FANCL: variants seen among roughly 807,000 people sequenced by gnomAD.
FANCL encodes FA complementation group L.
FANCL carries 69 observed loss-of-function variants against 59.4 expected under a neutral mutation model. That is an observed-to-expected ratio of 1.16 (90% CI 0.96 to 1.42). The LOEUF (loss-of-function observed/expected upper bound fraction) is 1.42. FANCL is among the 40% of genes most tolerant of loss of function. The probability of loss-of-function intolerance (pLI) is 0.00; values close to 1 mark genes in which losing one functional copy is unlikely to be tolerated. For synonymous variants in FANCL, 180 were observed against 147.1 expected (o/e 1.22, Z -1.62); for missense variants, 519 against 447.2 (o/e 1.16, Z -1.45).
At chr2:58,232,813 T>C (rs1693704427) in intron 1 of FANCL, among the ~76,000 whole-genome samples, 1 of 151,992 alleles carries the variant, frequency 6.6e-6, no homozygotes. Context: ...TTAAACTTTA[T>C]AACTTAAATA....
intron 7 of FANCL, among the ~76,000 whole-genome samples, chr2:58,195,725 C>T (rs945344312): frequency 6.6e-6 from 1 of 151,922 alleles, no homozygotes; most frequent in Non-Finnish European, 1.5e-5. Flanking sequence ...TAGGCTAAGG[C>T]TATGGACACA....
intron 5 of FANCL, among the ~76,000 whole-genome samples, chr2:58,212,057 A>G (rs1691215761): frequency 6.6e-6 from 1 of 152,150 alleles, no homozygotes; most frequent in Non-Finnish European, 1.5e-5. Context: ...ACTGGTACCA[A>G]TTTACTGTAT....
chr2:58,202,192 T>G (rs1017992372), intron 6 of FANCL, among the ~76,000 whole-genome samples: 1 of 148,692 alleles, frequency 6.7e-6, no homozygotes, highest in South Asian at 2.1e-4. Context: ...AAGTAAAAGT[T>G]TGACAATTAG....
chr2:58,241,128 G>A (rs1694503087), intron 1 of FANCL, 90 bp downstream of exon 1: 8 of 1,377,918 alleles, frequency 5.8e-6, no homozygotes, highest in Non-Finnish European at 7.2e-6. Flanking sequence ...ACAAGTCTGG[G>A]CCCCTAACCT....
In FANCL at chr2:58,162,877, G is replaced by T. The variant is rs1362953390; in HGVS notation, c.892C>A (p.Leu298Met). The T allele has an allele frequency of 1.2e-6, 2 of 1,611,894 alleles. No homozygotes were observed. Among genetic ancestry groups the T allele is most frequent in the Non-Finnish European group, 1.7e-6 (2 of 1,178,558 alleles). Residue 298 changes from leucine to methionine, a missense_variant, in exon 11 of 14, where the codon CTG becomes ATG. By Grantham distance (15) the Leu-to-Met change is conservative (BLOSUM62 2). Transcript: ENST00000233741. Reference sequence around the variant, plus strand: ...CTGATAAAACTTACAGATTTTTCCAGGATAGCACGAGCTGGAAAATCAATT... The same window carrying T: ...CTGATAAAACTTACAGATTTTTCCATGATAGCACGAGCTGGAAAATCAATT... Reference protein sequence around the residue: ...LEIDFPARAILEKSDFTMDCG... With the variant: ...LEIDFPARAIMEKSDFTMDCG...
At chr2:58,184,936 C>T (rs1294497470) in intron 7 of FANCL, among the ~76,000 whole-genome samples, 3 of 152,056 alleles carry the variant, frequency 2.0e-5, no homozygotes, top group African/African-American at 4.8e-5. Flanking sequence ...AGCAAAGGTC[C>T]GTGTTGAAGG....
chr2:58,161,660 A>G, intron 11 of FANCL, 22 bp from the exon 12 acceptor site: 1 of 1,512,342 alleles, frequency 6.6e-7, no homozygotes, highest in Non-Finnish European at 9.2e-7. Flanking sequence ...AAATATTTAT[A>G]AAAAGCGTAT....
chr2:58,228,912 G>A (rs1022632910), intron 3 of FANCL, among the ~76,000 whole-genome samples: 30 of 152,094 alleles, frequency 2.0e-4, no homozygotes, highest in African/African-American at 6.5e-4. Context: ...TATGTCAACA[G>A]ATGCATTTCT....
rs193294003 is a variant in FANCL, at chr2:58,194,570, T to G, written c.540+4024A>C. ...TCTTTGAGAAGCACTTTGTGCTTCTTTGGCACATATCATGGCAGCAATAGT... is the reference window on the plus strand; with the variant it reads ...TCTTTGAGAAGCACTTTGTGCTTCTGTGGCACATATCATGGCAGCAATAGT... On this transcript the variant is annotated intron_variant, in intron 7 of 13. Coordinates refer to ENST00000233741, the MANE Select transcript of FANCL (RefSeq NM_018062.4). Among the ~76,000 whole-genome samples the G allele has an allele frequency of 5.9e-5, 9 of 152,240 alleles. No individual in the cohort carries two copies. The East Asian group carries it at 1.7e-3, about 29-fold the overall frequency.
At chr2:58,206,759 C>CT (rs1186408562) in intron 5 of FANCL, among the ~76,000 whole-genome samples, 1 of 152,094 alleles carries the variant, frequency 6.6e-6, no homozygotes, top group Non-Finnish European at 1.5e-5. Context: ...TTTTGTTAAA[C>CT]TTTAAGACGC....
chr2:58,229,867 A>G lies in FANCL; in HGVS notation c.163T>C (p.Cys55Arg). ...DLQLKNARLL[C>R]SWQLRTILSG... is the part of the protein sequence containing the mutation. ...AGTATTGTTCTCAGCTGCCAACTAC[A>G]TAATAATCTAAAATTTTAATGAGAC... is the stretch of plus-strand genomic sequence containing the variant. The change falls in exon 3 of 14, where the codon TGT becomes CGT. Residue 55 changes from cysteine to arginine, a missense_variant. Physicochemically the swap from Cys to Arg is radical, Grantham distance 180. Transcript: ENST00000233741. The G allele has an allele frequency of 6.2e-7, 1 of 1,608,476 alleles. No individual in the cohort carries two copies. Among genetic ancestry groups the G allele is most frequent in the East Asian group, 2.2e-5 (1 of 44,754 alleles).
At chr2:58,203,533 A>C (rs1004265614) in intron 6 of FANCL, among the ~76,000 whole-genome samples, 4 of 152,082 alleles carry the variant, frequency 2.6e-5, no homozygotes, top group Non-Finnish European at 4.4e-5. Context: ...ACAATTTAGA[A>C]CTAAAAAATA....
At chr2:58,169,687 A>C (rs554942567) in intron 7 of FANCL, among the ~76,000 whole-genome samples, 1 of 152,084 alleles carries the variant, frequency 6.6e-6, no homozygotes, top group East Asian at 1.9e-4. Flanking sequence ...AACTAAAATA[A>C]CCAGGTTATA....
chr2:58,189,596 T>C (rs1377432479), intron 7 of FANCL, among the ~76,000 whole-genome samples: 1 of 152,150 alleles, frequency 6.6e-6, no homozygotes, highest in African/African-American at 2.4e-5. Context: ...TATGTTGAGC[T>C]AGGAAAGCAC....
chr2:58,163,625 G>A (rs946334296), intron 8 of FANCL, 108 bp from the exon 9 acceptor site: 11 of 695,994 alleles, frequency 1.6e-5, no homozygotes, highest in Admixed American at 1.1e-4. Context: ...GTATACCCAC[G>A]GAAAGATTAA....
chr2:58,173,870 G>C (rs924279388), intron 7 of FANCL, among the ~76,000 whole-genome samples: 6 of 152,078 alleles, frequency 3.9e-5, no homozygotes, highest in African/African-American at 1.4e-4. Flanking sequence ...AGACCCATCA[G>C]TGTGCTGTAT....
At position 58,159,598 on chromosome 2, in the gene FANCL, ACTC is replaced by A; in HGVS notation, c.*164_*166del. On this transcript the variant is annotated 3_prime_UTR_variant, in exon 14 of 14. Coordinates refer to ENST00000233741, the MANE Select transcript of FANCL (RefSeq NM_018062.4). ...ACTTTGGCCTACAATTTCCCAGTTT[ACTC>A]TTAGTGAAGAGACAAACGCAGATGT... 6.2e-7 allele frequency: 1 copy of A among 1,613,784 alleles called. No individual in the cohort carries two copies. The highest frequency in any genetic ancestry group is 1.1e-5 in the South Asian group (1 of 91,070).
chr2:58,159,749 A>ATGT lies in FANCL; in HGVS notation c.*13_*15dup. The ATGT allele has an allele frequency of 6.2e-7, 1 of 1,613,112 alleles. No homozygotes were observed. Among genetic ancestry groups the ATGT allele is most frequent in the Non-Finnish European group, 8.5e-7 (1 of 1,179,600 alleles). On this transcript the variant is annotated 3_prime_UTR_variant, in exon 14 of 14. Transcript: ENST00000233741. ...TTTAAGTTTCCAGCTCTTCACCGAA[A>ATGT]TGTTGTATTCTTATTTCAGTGTTTC...
In FANCL at chr2:58,209,853, A is replaced by G. The variant is rs1049579778; in HGVS notation, c.375-5627T>C. ...TTCCCCAATATGTTAAAAATCTTCAAATGCATTAACAATTATACAAAATAT... is the reference window on the plus strand; with the variant it reads ...TTCCCCAATATGTTAAAAATCTTCAGATGCATTAACAATTATACAAAATAT... On this transcript the variant is annotated intron_variant, in intron 5 of 13. Coordinates refer to ENST00000233741, the MANE Select transcript of FANCL (RefSeq NM_018062.4). 3.9e-5 allele frequency among the ~76,000 whole-genome samples: 6 copies of G among 152,292 alleles called. No individual in the cohort carries two copies. The East Asian group carries it at 1.2e-3, about 29-fold the overall frequency.
Sources: gnomAD v4.1 joint callset for allele counts (sites outside exome capture counted in the v4.1 genomes callset) on GRCh38, gnomAD v4.1.1 for gene constraint, MANE v1.5 for transcripts, NCBI Gene and HGNC (gene_info 2026-07-23, HGNC 2026-07-21) for gene names.